DOP1A: variants seen among roughly 807,000 people sequenced by gnomAD.
DOP1A encodes the protein DOP1 leucine zipper like protein A, also known as protein DOP1A.
A neutral mutation model predicts 267.6 loss-of-function variants in DOP1A; 90 were observed. That is an observed-to-expected ratio of 0.34 (90% CI 0.28 to 0.40). The LOEUF is 0.40. Ranked by LOEUF, DOP1A falls within the 10% of genes least tolerant of loss-of-function variation. DOP1A has a pLI of 1.00. For synonymous variants in DOP1A, 932 were observed against 999.1 expected, an observed-to-expected ratio of 0.93 and a Z score of 1.27; for missense variants, 2,437 against 2,900.4, an observed-to-expected ratio of 0.84 and a Z score of 3.67.
intron 36 of DOP1A, 61 bp downstream of exon 36, chr6:83,158,683 A>G: frequency 8.9e-7 from 1 of 1,121,676 alleles, no homozygotes; most frequent in Non-Finnish European, 1.3e-6. Context: ...TATTCAGAAT[A>G]TTACTCAGCA....
chr6:83,145,391 TG>T, intron 24 of DOP1A, 132 bp from the exon 25 acceptor site: 1 of 766,030 alleles, frequency 1.3e-6, no homozygotes, highest in Non-Finnish European at 1.9e-6. Flanking sequence ...GAGACCAGGC[TG>T]GGCAAAATAG....
intron 4 of DOP1A, among the ~76,000 whole-genome samples, chr6:83,104,803 C>T (rs1050707800): frequency 2.6e-5 from 4 of 151,990 alleles, no homozygotes; most frequent in Non-Finnish European, 4.4e-5. Context: ...GATGTCTCCT[C>T]TTTCACTCTT....
At chr6:83,167,678 AAACT>A (rs1424920330) in intron 38 of DOP1A, 180 bp from the exon 39 acceptor site, 6 of 1,375,784 alleles carry the variant, frequency 4.4e-6, no homozygotes, top group African/African-American at 1.5e-5. Context: ...GCTCCATGTA[AAACT>A]AATAAATGGC....
chr6:83,163,540 AT>A (rs1784735163), intron 38 of DOP1A, among the ~76,000 whole-genome samples: 1 of 152,232 alleles, frequency 6.6e-6, no homozygotes. Context: ...ATGAAATAAA[AT>A]ATATATGCTA....
intron 23 of DOP1A, among the ~76,000 whole-genome samples, chr6:83,141,196 A>G (rs1303304783): frequency 6.6e-6 from 1 of 152,258 alleles, no homozygotes; most frequent in African/African-American, 2.4e-5. Flanking sequence ...TCAAAAGCTC[A>G]GTGAAACAGG....
rs1249017795 is a variant in DOP1A, at chr6:83,156,023, C to CT, written c.6525dup (p.Met2176TyrfsTer4). The CT allele has an allele frequency of 6.2e-7, 1 of 1,613,922 alleles. No homozygotes were observed. The highest frequency in any genetic ancestry group is 8.5e-7 in the Non-Finnish European group (1 of 1,179,936). ...CGTGATGTGGAGCTAGAACAGAGAGCTATGCTTCTTAAAAGATTAGCATTT... is the reference window on the plus strand; with the variant it reads ...CGTGATGTGGAGCTAGAACAGAGAGCTTATGCTTCTTAAAAGATTAGCATTT... On this transcript the variant is annotated frameshift_variant, in exon 34 of 39. Coordinates refer to ENST00000349129, the MANE Select transcript of DOP1A (RefSeq NM_015018.4). LOFTEE classifies it high-confidence loss of function.
downstream of DOP1A, chr6:83,168,789 G>A: frequency 3.0e-6 from 3 of 1,007,682 alleles, no homozygotes; most frequent in Non-Finnish European, 3.6e-6. Flanking sequence ...TTAAGACTCT[G>A]CAATGGAAAA....
intron 27 of DOP1A, among the ~76,000 whole-genome samples, chr6:83,151,001 AACAC>A (rs1397920087): frequency 5.3e-5 from 8 of 152,222 alleles, no homozygotes; most frequent in Admixed American, 5.2e-4. Flanking sequence ...CCACTATTCT[AACAC>A]CACAGATGGA....
At chr6:83,115,940 T>C (rs1310038012) in intron 7 of DOP1A, among the ~76,000 whole-genome samples, 2 of 152,212 alleles carry the variant, frequency 1.3e-5, no homozygotes, top group East Asian at 1.9e-4. Flanking sequence ...TCATATCTTA[T>C]GTTGGATAGA....
intron 1 of DOP1A, among the ~76,000 whole-genome samples, chr6:83,078,980 G>T (rs1257220698): frequency 1.3e-5 from 2 of 152,124 alleles, no homozygotes; most frequent in African/African-American, 2.4e-5. Context: ...AGGGTTGTAG[G>T]AGCTGGGGGA....
At chr6:83,136,680 T>C (rs1778907616) in intron 20 of DOP1A, among the ~76,000 whole-genome samples, 1 of 152,136 alleles carries the variant, frequency 6.6e-6, no homozygotes. Flanking sequence ...TTCTTCTGAA[T>C]CTTGTAAGAA....
At chr6:83,094,965 C>T (rs1054874858) in intron 1 of DOP1A, among the ~76,000 whole-genome samples, 27 of 152,112 alleles carry the variant, frequency 1.8e-4, no homozygotes, top group African/African-American at 6.5e-4. Flanking sequence ...TGGAATCTCA[C>T]TCTGTTGCCC....
chr6:83,120,614 ACTTTTT>A (rs954070452), intron 9 of DOP1A, 63 bp from the exon 10 acceptor site: 9 of 1,296,818 alleles, frequency 6.9e-6, no homozygotes, highest in Non-Finnish European at 8.4e-6. Flanking sequence ...ATTTAAAAAT[ACTTTTT>A]CTTAAGGAAA....
rs753562984 is a variant in DOP1A at position 83,138,044 on chromosome 6, G to T, written c.4002G>T (p.Trp1334Cys). 1 of 1,612,976 alleles carries T rather than the reference G, an allele frequency of 6.2e-7. No individual in the cohort carries two copies. Among genetic ancestry groups the T allele is most frequent in the Non-Finnish European group, 8.5e-7 (1 of 1,179,524 alleles). Residue 1334 changes from tryptophan (W) to cysteine (C), a missense_variant, in exon 21 of 39, where the codon TGG (tryptophan) becomes TGT (cysteine). Trp to Cys is a radical substitution (Grantham distance 215). Around this residue, in one of 9 missense-constraint regions of DOP1A, gnomAD observed 878 missense variants for 992.9 expected, o/e 0.88. Transcript: ENST00000349129. ...FFSDGLDLENWYSCGEGDISE... is the reference protein window; with the variant it reads ...FFSDGLDLENCYSCGEGDISE... ...GTGATGGTCTGGATTTAGAGAACTG[G>T]TATAGCTGTGGAGAGGGAGACATTT...
In DOP1A at chr6:83,157,965, A is replaced by G. The variant is rs143942740; in HGVS notation, c.6742-602A>G. Among the ~76,000 whole-genome samples the G allele has an allele frequency of 1.6e-3, 250 of 152,184 alleles. 1 individual carries two copies. Among genetic ancestry groups the G allele is most frequent in the African/African-American group, 5.7e-3 (237 of 41,532 alleles). On this transcript the variant is annotated intron_variant, in intron 35 of 38. Transcript: ENST00000349129. ...AAATCTAGCTTTATAGTTTCCCTGC[A>G]AATATAATTGCTTTAATCTTTCTTT... is the stretch of plus-strand genomic sequence containing the variant.
At chr6:83,139,677 A>C (rs1779317064) in intron 21 of DOP1A, among the ~76,000 whole-genome samples, 1 of 152,132 alleles carries the variant, frequency 6.6e-6, no homozygotes, top group Non-Finnish European at 1.5e-5. Flanking sequence ...CTTAGTTTCT[A>C]CATGTAAAAT....
chr6:83,166,530 A>T, intron 38 of DOP1A: 1 of 661,666 alleles, frequency 1.5e-6, no homozygotes, highest in Non-Finnish European at 2.6e-6. Context: ...ATAGTCTAAA[A>T]TAAATATAAA....
chr6:83,134,059 C>T (rs1778498896), intron 18 of DOP1A, 128 bp from the exon 19 acceptor site: 2 of 560,904 alleles, frequency 3.6e-6, no homozygotes, highest in Non-Finnish European at 6.0e-6. Context: ...AAGTTTATTG[C>T]AATGTGTGTT....
At chr6:83,159,582 C>T (rs1161122066) in intron 36 of DOP1A, among the ~76,000 whole-genome samples, 1 of 152,152 alleles carries the variant, frequency 6.6e-6, no homozygotes, top group South Asian at 2.1e-4. Context: ...GAAGCCACTG[C>T]GCCCAGTCTA....
Sources: allele counts gnomAD v4.1 joint callset (sites outside exome capture counted in the v4.1 genomes callset), GRCh38; gene constraint gnomAD v4.1.1; regional missense constraint gnomAD v4.1.1; transcripts MANE v1.5; gene names NCBI Gene and HGNC (gene_info 2026-07-23, HGNC 2026-07-21).